The following KHDRBS3 variants were observed in gnomAD, a reference collection of about 807,000 sequenced individuals.
KHDRBS3 encodes KH RNA binding domain containing, signal transduction associated 3, also known as KH domain-containing, RNA-binding, signal transduction-associated protein 3.
A neutral mutation model predicts 45.6 loss-of-function variants in KHDRBS3; 23 were observed. That is an observed-to-expected ratio of 0.50 (90% confidence interval 0.36 to 0.72). The LOEUF (loss-of-function observed/expected upper bound fraction) is 0.72, where lower values mean the gene tolerates loss of function less well. Ranked by LOEUF, KHDRBS3 falls within the 30% of genes least tolerant of loss-of-function variation. The pLI is 0.00. For synonymous variants in KHDRBS3, 162 were observed against 156.5 expected, an observed-to-expected ratio of 1.04 and a Z score of -0.26; for missense variants, 352 against 424.8, an observed-to-expected ratio of 0.83 and a Z score of 1.51.
chr8:135,624,613 C>T lies in KHDRBS3; in HGVS notation c.890+17576C>T, dbSNP rs1448239879. Reference sequence around the variant, plus strand: ...GACACCAAATGGCTTCATAGGGCAACTTTTTAGACCAAAGTCTAGGCCTGT... The same window carrying T: ...GACACCAAATGGCTTCATAGGGCAATTTTTTAGACCAAAGTCTAGGCCTGT... On this transcript the variant is annotated intron_variant, in intron 7 of 8. Coordinates refer to ENST00000355849, the MANE Select transcript of KHDRBS3 (RefSeq NM_006558.3). Among the ~76,000 whole-genome samples, 3 of 152,304 alleles carry T rather than the reference C, an allele frequency of 2.0e-5. No individual in the cohort carries two copies. The South Asian group carries it at 6.2e-4, about 32-fold the overall frequency.
intron 5 of KHDRBS3, among the ~76,000 whole-genome samples, chr8:135,569,349 G>C (rs879866965): frequency 3.3e-5 from 5 of 152,068 alleles, no homozygotes; most frequent in African/African-American, 4.8e-5. Flanking sequence ...AACATACATA[G>C]AAAAACTAGT....
chr8:135,546,776 T>A (rs16905398), intron 3 of KHDRBS3, among the ~76,000 whole-genome samples: 1,712 of 152,254 alleles, frequency 0.011, 28 homozygotes, highest in African/African-American at 0.037. Context: ...TAATGTTGAA[T>A]TAGGGGTTTA....
At chr8:135,578,546 C>T (rs528496536) in intron 5 of KHDRBS3, among the ~76,000 whole-genome samples, 5 of 152,076 alleles carry the variant, frequency 3.3e-5, no homozygotes, top group African/African-American at 1.2e-4. Flanking sequence ...TTCTGAGGGT[C>T]AGTTTCTGGG....
chr8:135,470,711 A>T (rs988213980), intron 1 of KHDRBS3, among the ~76,000 whole-genome samples: 21 of 151,410 alleles, frequency 1.4e-4, no homozygotes, highest in African/African-American at 4.6e-4. Flanking sequence ...TCAGCCTCCC[A>T]AGTAGCTGGG....
At chr8:135,461,294 G>A (rs1012135748) in intron 1 of KHDRBS3, among the ~76,000 whole-genome samples, 3 of 151,940 alleles carry the variant, frequency 2.0e-5, no homozygotes, top group Admixed American at 6.6e-5. Flanking sequence ...TAGTAGAGAC[G>A]GGGTTTCACT....
chr8:135,501,691 A>G (rs1213662425), intron 1 of KHDRBS3, among the ~76,000 whole-genome samples: 2 of 152,102 alleles, frequency 1.3e-5, no homozygotes, highest in Non-Finnish European at 1.5e-5. Context: ...GCTCGCAGAA[A>G]AGTTTGAGTG....
Position 135,557,584 on chromosome 8 carries a change from C to T in KHDRBS3, c.608C>T (p.Thr203Ile). The T allele has an allele frequency of 6.2e-7, 1 of 1,609,778 alleles. No individual in the cohort carries two copies. Among genetic ancestry groups the T allele is most frequent in the Non-Finnish European group, 8.5e-7 (1 of 1,177,898 alleles). Residue 203 changes from threonine to isoleucine, a missense_variant, in exon 5 of 9, where the codon ACC (threonine) becomes ATC (isoleucine). Coordinates refer to ENST00000355849, the MANE Select transcript of KHDRBS3 (RefSeq NM_006558.3). ...AGAGGTGTACCAGCCCCAGCAATAACCAGGTAGGTGTAAATTTTTTTTTAG... is the reference window on the plus strand; with the variant it reads ...AGAGGTGTACCAGCCCCAGCAATAATCAGGTAGGTGTAAATTTTTTTTTAG... ...RTRGVPAPAI[T>I]RGRGGVTARP... is the part of the protein sequence containing the mutation.
intron 1 of KHDRBS3, among the ~76,000 whole-genome samples, chr8:135,504,398 GT>G (rs1048756325): frequency 1.3e-5 from 2 of 152,172 alleles, no homozygotes; most frequent in African/African-American, 4.8e-5. Context: ...TATGCCTCCT[GT>G]TTTGGCTTCA....
chr8:135,564,071 G>T (rs1436702543), intron 5 of KHDRBS3, among the ~76,000 whole-genome samples: 2 of 152,262 alleles, frequency 1.3e-5, no homozygotes, highest in South Asian at 4.2e-4. Context: ...ATCGAATCAG[G>T]GAAATTTTCA....
At chr8:135,586,673 T>C (rs1190304160) in intron 6 of KHDRBS3, among the ~76,000 whole-genome samples, 1 of 152,208 alleles carries the variant, frequency 6.6e-6, no homozygotes, top group African/African-American at 2.4e-5. Context: ...TGTCATTTCT[T>C]TGGAACTCAG....
intron 1 of KHDRBS3, among the ~76,000 whole-genome samples, chr8:135,466,745 C>G (rs532170236): frequency 6.6e-6 from 1 of 152,300 alleles, no homozygotes; most frequent in South Asian, 2.1e-4. Flanking sequence ...TGGACAAAGC[C>G]AGGCTTCCTG....
chr8:135,457,988 C>T lies in KHDRBS3; in HGVS notation c.88+34C>T. On this transcript the variant is annotated intron_variant, in intron 1 of 8. Coordinates refer to ENST00000355849, the MANE Select transcript of KHDRBS3 (RefSeq NM_006558.3). This position sits in a 1 kb window ranked among gnomAD's most constrained non-coding sequence, Gnocchi z 4.4. The stretch of plus-strand genomic sequence containing the variant: ...CCGGCCGTTAACTGCCGGCCGGCGG[C>T]GGTTGGGGGCCGGGTGGAAACGCGG... 6.5e-7 allele frequency: 1 copy of T among 1,550,298 alleles called. No homozygotes were observed. The highest frequency in any genetic ancestry group is 8.7e-7 in the Non-Finnish European group (1 of 1,150,110).
chr8:135,474,958 G>A (rs752468228), intron 1 of KHDRBS3, among the ~76,000 whole-genome samples: 2 of 152,286 alleles, frequency 1.3e-5, no homozygotes, highest in South Asian at 2.1e-4. Flanking sequence ...TACATTCCTC[G>A]GCTTGTGGCC....
At chr8:135,629,874 TCTGA>T (rs1415969661) in intron 7 of KHDRBS3, among the ~76,000 whole-genome samples, 16 of 152,338 alleles carry the variant, frequency 1.1e-4, no homozygotes, top group African/African-American at 3.6e-4. Flanking sequence ...CTGTCAGGCT[TCTGA>T]CTGTTTCATG....
intron 1 of KHDRBS3, among the ~76,000 whole-genome samples, chr8:135,464,387 A>T (rs1446878231): frequency 1.3e-5 from 2 of 152,238 alleles, no homozygotes; most frequent in Admixed American, 1.3e-4. Flanking sequence ...AAAATATTCC[A>T]TATAGAAAGC....
intron 6 of KHDRBS3, among the ~76,000 whole-genome samples, chr8:135,586,802 A>G (rs866239252): frequency 7.2e-5 from 11 of 152,202 alleles, no homozygotes; most frequent in African/African-American, 2.7e-4. Flanking sequence ...TTCATTTAAA[A>G]TTTACTATCT....
intron 1 of KHDRBS3, among the ~76,000 whole-genome samples, chr8:135,493,595 A>G (rs997312952): frequency 7.9e-5 from 12 of 152,144 alleles, no homozygotes; most frequent in African/African-American, 2.7e-4. Flanking sequence ...TACATTGAAT[A>G]TTTTCCAGTG....
At chr8:135,578,145 G>A (rs780046514) in intron 5 of KHDRBS3, among the ~76,000 whole-genome samples, 1 of 152,092 alleles carries the variant, frequency 6.6e-6, no homozygotes, top group Non-Finnish European at 1.5e-5. Flanking sequence ...TCCTTTATCA[G>A]CTAACATGTT....
chr8:135,536,727 G>A (rs963956355), intron 2 of KHDRBS3, among the ~76,000 whole-genome samples: 3 of 151,586 alleles, frequency 2.0e-5, no homozygotes, highest in African/African-American at 4.9e-5. Context: ...TTGGGAGGCC[G>A]AGGCGGGTGG....
Sources: allele counts gnomAD v4.1 joint callset (sites outside exome capture counted in the v4.1 genomes callset), GRCh38; gene constraint gnomAD v4.1.1; non-coding constraint Gnocchi (gnomAD v3.1); transcripts MANE v1.5; gene names NCBI Gene and HGNC (gene_info 2026-07-23, HGNC 2026-07-21).